The following ADORA2A variants were observed in gnomAD, a reference collection of about 807,000 sequenced individuals.
ADORA2A encodes the protein adenosine A2a receptor, also known as adenosine receptor A2a.
ADORA2A carries 11 observed loss-of-function variants against 18.4 expected under a neutral mutation model. That is an observed-to-expected ratio of 0.60 (90% CI 0.38 to 0.99). ADORA2A has a LOEUF of 0.99. ADORA2A is among the 50% of genes least tolerant of loss of function. ADORA2A has a pLI of 0.01. For missense variants in ADORA2A, 449 were observed against 556.1 expected (o/e 0.81, Z 1.94); for synonymous variants, 218 against 237.3 (o/e 0.92, Z 0.75).
rs3032740 is a variant in ADORA2A, at chr22:24,439,072, C to CTTTTTTTTTTTT, written c.333-1493_333-1482dup. ...GTAGAGCACATCCTTCCCCTTGCAC[C>CTTTTTTTTTTTT]TTTTTTTTTTTTTTTTTTTTTTTTT... On this transcript the variant is annotated intron_variant, in intron 2 of 2. Coordinates refer to ENST00000337539, the MANE Select transcript of ADORA2A (RefSeq NM_000675.6). Among the ~76,000 whole-genome samples, 41 of 73,102 alleles carry CTTTTTTTTTTTT rather than the reference C, an allele frequency of 5.6e-4. 6 individuals carry two copies. The highest frequency in any genetic ancestry group is 1.2e-3 in the East Asian group (2 of 1,690). 48.0% of individuals were successfully genotyped at this position (73,102 alleles called of 152,430 possible). A position where few individuals can be genotyped will look rare whatever the true frequency, so the allele number is the denominator to read the frequency against.
intron 2 of ADORA2A, among the ~76,000 whole-genome samples, chr22:24,436,963 A>C (rs891859484): frequency 6.6e-6 from 1 of 152,118 alleles, no homozygotes; most frequent in African/African-American, 2.4e-5. Context: ...GGAAAGGTGG[A>C]GGCCAAGTCA....
At chr22:24,438,685 G>A (rs1336431511) in intron 2 of ADORA2A, 1 of 152,142 alleles carries the variant, frequency 6.6e-6, no homozygotes, top group Admixed American at 6.5e-5. Context: ...GACTCGCCTT[G>A]GCCTGAGTTG....
Position 24,433,264 on chromosome 22 carries a change from GCTC to G in ADORA2A, c.-138_-136del. ...GAGCGCCCCAGCAGGGCTGCACTTG[GCTC>G]CTGTGAGGAAGGGGCTCAGGGGTCT... On this transcript the variant is annotated 5_prime_UTR_variant, in exon 2 of 3. Transcript: ENST00000337539. 1.3e-6 allele frequency: 1 copy of G among 769,138 alleles called. No individual in the cohort carries two copies. The highest frequency in any genetic ancestry group is 2.0e-6 in the Non-Finnish European group (1 of 488,954). 47.6% of individuals were successfully genotyped at this position (769,138 alleles called of 1,614,324 possible).
intron 2 of ADORA2A, among the ~76,000 whole-genome samples, chr22:24,439,072 CTTTTTTT>C (rs3032740): frequency 2.9e-4 from 21 of 73,098 alleles, no homozygotes; most frequent in Non-Finnish European, 4.0e-4. Context: ...CCCCTTGCAC[CTTTTTTT>C]TTTTTTTTTT....
chr22:24,425,039 C>T (rs2042902145), upstream of ADORA2A, among the ~76,000 whole-genome samples: 1 of 152,296 alleles, frequency 6.6e-6, no homozygotes, highest in South Asian at 2.1e-4. Flanking sequence ...GAAGCACCTC[C>T]TCTCTTGGGC....
upstream of ADORA2A, among the ~76,000 whole-genome samples, chr22:24,425,667 A>G (rs556383596): frequency 7.9e-4 from 120 of 152,298 alleles, no homozygotes; most frequent in Non-Finnish European, 1.4e-3. Context: ...GCTTCTTCCC[A>G]TATCAGTCTG....
chr22:24,434,094 G>A (rs1475305223), intron 2 of ADORA2A, among the ~76,000 whole-genome samples: 1 of 152,246 alleles, frequency 6.6e-6, no homozygotes, highest in African/African-American at 2.4e-5. Flanking sequence ...GCCAGCGGGT[G>A]TGTCTGGGCC....
At chr22:24,435,070 A>C (rs1488351749) in intron 2 of ADORA2A, among the ~76,000 whole-genome samples, 1 of 152,134 alleles carries the variant, frequency 6.6e-6, no homozygotes, top group Non-Finnish European at 1.5e-5. Flanking sequence ...GCTCCAGGGA[A>C]GGGGAGGAAT....
intron 2 of ADORA2A, chr22:24,439,583 C>T (rs2043280886): frequency 6.6e-6 from 1 of 152,092 alleles, no homozygotes; most frequent in African/African-American, 2.4e-5. Context: ...AAACAGAAGT[C>T]ATCCCTCAGT....
At chr22:24,429,114 T>C (rs2042966086) in intron 1 of ADORA2A, 1 of 152,360 alleles carries the variant, frequency 6.6e-6, no homozygotes, top group East Asian at 1.9e-4. Context: ...GGCACCTCCG[T>C]GCAGCAGGCT....
chr22:24,431,344 G>C, intron 1 of ADORA2A: 1 of 456,532 alleles, frequency 2.2e-6, no homozygotes, highest in Non-Finnish European at 4.4e-6. Flanking sequence ...CTGGGTGCAG[G>C]AGAACCTCCA....
At chr22:24,434,117 C>T (rs192025375) in intron 2 of ADORA2A, among the ~76,000 whole-genome samples, 8 of 152,342 alleles carry the variant, frequency 5.3e-5, no homozygotes, top group Middle Eastern at 3.4e-3. Flanking sequence ...TCCTCACACA[C>T]AAGCAAAACT....
chr22:24,442,325 G>A lies in ADORA2A; in HGVS notation c.*836G>A, dbSNP rs1027538032. The A allele has an allele frequency of 6.5e-6, 1 of 152,806 alleles. No individual in the cohort carries two copies. Among genetic ancestry groups the A allele is most frequent in the East Asian group, 1.9e-4 (1 of 5,344 alleles). The allele number at this position is 152,806 out of a possible 1,614,324, so 9.5% of individuals were successfully genotyped here. On this transcript the variant is annotated 3_prime_UTR_variant, in exon 3 of 3. Coordinates refer to ENST00000337539, the MANE Select transcript of ADORA2A (RefSeq NM_000675.6). ...TTTTTTTCTGAGATAAAATAAAAAC[G>A]AGCCACATCGTGTTTTAAGCTTGTC...
At chr22:24,430,995 C>A (rs1247923864) in intron 1 of ADORA2A, 2 of 390,396 alleles carry the variant, frequency 5.1e-6, no homozygotes, top group East Asian at 1.5e-4. Context: ...ACCAGCTCCA[C>A]TTGTACCTGT....
In ADORA2A at chr22:24,441,458, C is replaced by G. The variant is rs567815763; in HGVS notation, c.1208C>G (p.Pro403Arg). The stretch of plus-strand genomic sequence containing the variant: ...CCAGAGCCCCCTGGCCTAGATGACC[C>G]CCTGGCCCAGGATGGAGCAGGAGTG... ...VCPEPPGLDD[P>R]LAQDGAGVS The change falls in exon 3 of 3, where the codon CCC becomes CGC. Residue 403 changes from proline (P) to arginine (R), a missense_variant. Transcript: ENST00000337539. The G allele has an allele frequency of 2.0e-6, 3 of 1,518,648 alleles. No individual in the cohort carries two copies. In the South Asian group the frequency reaches 4.0e-5, roughly 20 times the overall value. The allele number at this position is 1,518,648 out of a possible 1,614,324, so 94.1% of individuals were successfully genotyped here.
intron 1 of ADORA2A, chr22:24,430,197 C>A (rs1430001758): frequency 2.6e-5 from 4 of 152,508 alleles, no homozygotes; most frequent in African/African-American, 9.6e-5. Context: ...GCCTGTGGGT[C>A]CGGGCAAGCC....
At chr22:24,437,467 C>T (rs1294786266) in intron 2 of ADORA2A, among the ~76,000 whole-genome samples, 1 of 152,076 alleles carries the variant, frequency 6.6e-6, no homozygotes, top group Non-Finnish European at 1.5e-5. Context: ...GTCCCCACCC[C>T]GTGGGCACCA....
At chr22:24,424,716 G>A (rs976217405), upstream of ADORA2A, among the ~76,000 whole-genome samples, 2 of 152,180 alleles carry the variant, frequency 1.3e-5, no homozygotes, top group African/African-American at 4.8e-5. The surrounding 1 kb of genome is among the most constrained non-coding windows in gnomAD (Gnocchi z 4.9). Context: ...GTGGGTGCGC[G>A]CCTCGGACTG....
chr22:24,438,005 G>A (rs923460383), intron 2 of ADORA2A, among the ~76,000 whole-genome samples: 1 of 152,274 alleles, frequency 6.6e-6, no homozygotes, highest in Non-Finnish European at 1.5e-5. Context: ...AGCAAAGCAG[G>A]TGGCCCAGGG....
Sources: gnomAD v4.1 joint callset for allele counts (sites outside exome capture counted in the v4.1 genomes callset) on GRCh38, gnomAD v4.1.1 for gene constraint, Gnocchi (gnomAD v3.1) non-coding constraint, MANE v1.5 for transcripts, NCBI Gene and HGNC (gene_info 2026-07-23, HGNC 2026-07-21) for gene names.